TLR6: variants seen among roughly 807,000 people sequenced by gnomAD.
The protein encoded by TLR6 is toll-like receptor 6.
In TLR6, 9 loss-of-function variants were observed where a neutral mutation model predicts 16.1. The ratio of observed to expected loss-of-function variants is 0.56; its 90% confidence interval spans 0.34 to 0.98. The LOEUF is 0.98. TLR6 is among the 50% of genes least tolerant of loss of function. The pLI is 0.02. For missense variants in TLR6, 786 were observed against 921.0 expected (o/e 0.85, Z 1.90); for synonymous variants, 340 against 338.6 (o/e 1.00, Z -0.04).
At chr4:38,826,967 G>T in exon 2 of TLR6, 1 of 864,366 alleles carries the variant, frequency 1.2e-6, no homozygotes, top group Non-Finnish European at 1.7e-6. Context: ...TTTTTGTTAA[G>T]TCTTTCCTGA....
intron 1 of TLR6, among the ~76,000 whole-genome samples, chr4:38,855,961 A>G (rs1159910992): frequency 6.6e-6 from 1 of 152,208 alleles, no homozygotes; most frequent in East Asian, 1.9e-4. Flanking sequence ...AAAAAAGGGT[A>G]GACAAGACCT....
At chr4:38,829,451 A>G (rs1266319074) in exon 2 of TLR6, 3 of 1,612,484 alleles carry the variant, frequency 1.9e-6, no homozygotes, top group South Asian at 2.2e-5. Context: ...GCTTTTAACA[A>G]TAGGTTCTTT....
At chr4:38,849,564 A>C (rs1712682189) in intron 1 of TLR6, among the ~76,000 whole-genome samples, 2 of 152,206 alleles carry the variant, frequency 1.3e-5, no homozygotes, top group Non-Finnish European at 2.9e-5. Flanking sequence ...ATAGGCTCAA[A>C]ATAAAGGGAT....
At chr4:38,862,541 A>G in the TLR6 span, among the ~76,000 whole-genome samples, 1 of 149,896 alleles carries the variant, frequency 6.7e-6, no homozygotes, top group Admixed American at 6.6e-5. Context: ...TCAGCCTCCC[A>G]AAGTGCTGGG....
intron 1 of TLR6, among the ~76,000 whole-genome samples, chr4:38,838,927 G>GGGAAGGAA (rs1274254263): frequency 8.1e-6 from 1 of 123,178 alleles, no homozygotes; most frequent in African/African-American, 3.9e-5. Context: ...GAGGGAGGGA[G>GGGAAGGAA]GGAAGGAAGG....
chr4:38,829,220 T>A, exon 2 of TLR6: 2 of 1,614,196 alleles, frequency 1.2e-6, no homozygotes, highest in East Asian at 4.5e-5. Flanking sequence ...GATTCTGTTA[T>A]GGGAAAGTCT....
At chr4:38,833,363 C>A (rs896010767) in intron 1 of TLR6, among the ~76,000 whole-genome samples, 1 of 152,208 alleles carries the variant, frequency 6.6e-6, no homozygotes, top group African/African-American at 2.4e-5. Flanking sequence ...GTGTCCCCAT[C>A]CCCAGCAAAG....
At chr4:38,826,237 T>C (rs1218066651) in exon 2 of TLR6, 1 of 152,268 alleles carries the variant, frequency 6.6e-6, no homozygotes, top group Non-Finnish European at 1.5e-5. Context: ...TTAATCACGC[T>C]TTTGACTCTA....
At chr4:38,839,508 G>T (rs1276273217) in intron 1 of TLR6, among the ~76,000 whole-genome samples, 1 of 152,128 alleles carries the variant, frequency 6.6e-6, no homozygotes, top group Non-Finnish European at 1.5e-5. Context: ...CAGGCAAGAA[G>T]CCAGTCCCAA....
At chr4:38,827,695 G>A (rs1195658022) in exon 2 of TLR6, 2 of 1,614,232 alleles carry the variant, frequency 1.2e-6, no homozygotes, top group Non-Finnish European at 1.7e-6. Flanking sequence ...CCAGCATGGT[G>A]GCACCGATGG....
chr4:38,840,976 C>T (rs547965753), intron 1 of TLR6, among the ~76,000 whole-genome samples: 2 of 152,210 alleles, frequency 1.3e-5, no homozygotes, highest in African/African-American at 2.4e-5. Context: ...TTGGCCAGCT[C>T]TTATGGACTA....
exon 2 of TLR6, chr4:38,828,675 C>T (rs1261782520): frequency 1.2e-6 from 2 of 1,613,938 alleles, no homozygotes; most frequent in Non-Finnish European, 1.7e-6. Context: ...AAGACTCTGA[C>T]CAGGCATTTC....
chr4:38,828,400 C>T, exon 2 of TLR6: 2 of 1,613,028 alleles, frequency 1.2e-6, no homozygotes, highest in Non-Finnish European at 1.7e-6. Flanking sequence ...GGGTAAAGTT[C>T]AAAAACTTGA....
upstream of TLR6, among the ~76,000 whole-genome samples, chr4:38,858,832 G>GAAGAAAGAAAGAAAGAAAGA (rs71190999): frequency 9.8e-5 from 5 of 50,892 alleles, no homozygotes; most frequent in Admixed American, 4.3e-4. Flanking sequence ...AGAGAGAGAG[G>GAAGAAAGAAAGAAAGAAAGA]AAGAAAGAAA....
At chr4:38,830,898 C>T (rs1043700155) in intron 1 of TLR6, among the ~76,000 whole-genome samples, 1 of 151,948 alleles carries the variant, frequency 6.6e-6, no homozygotes, top group African/African-American at 2.4e-5. Context: ...ATAACACAAA[C>T]CTTGCAAAAA....
exon 2 of TLR6, chr4:38,824,576 C>T (rs1444911157): frequency 2.0e-5 from 3 of 152,028 alleles, no homozygotes; most frequent in Admixed American, 2.0e-4. Flanking sequence ...GTTGTTGTTA[C>T]TGTGGTTGTT....
chr4:38,839,986 C>T lies in TLR6; in HGVS notation c.-64-10449G>A, dbSNP rs80166848. ...GGCTGAAATCCTAAAAGATCAAAGT[C>T]CCCAAAGTCTAAAATCCCTAATGTC... On this transcript the variant is annotated intron_variant, in intron 1 of 1. Transcript: ENST00000436693. Among the ~76,000 whole-genome samples, 1,416 of 152,294 alleles carry T rather than the reference C, an allele frequency of 9.3e-3. 22 individuals carry two copies. Among genetic ancestry groups the T allele is most frequent in the African/African-American group, 0.032 (1,320 of 41,560 alleles).
chr4:38,858,249 C>G (rs1203515485), upstream of TLR6, among the ~76,000 whole-genome samples: 1 of 152,192 alleles, frequency 6.6e-6, no homozygotes, highest in African/African-American at 2.4e-5. Flanking sequence ...GTCCCTTAAC[C>G]TCCATTTATT....
chr4:38,841,488 G>A (rs1712260102), intron 1 of TLR6, among the ~76,000 whole-genome samples: 1 of 152,218 alleles, frequency 6.6e-6, no homozygotes, highest in Non-Finnish European at 1.5e-5. Context: ...CTACTAGGGA[G>A]GCTGAAGTGG....
Sources: gnomAD v4.1 joint callset for allele counts (sites outside exome capture counted in the v4.1 genomes callset) on GRCh38, gnomAD v4.1.1 for gene constraint, MANE v1.5 for transcripts, NCBI Gene and HGNC (gene_info 2026-07-23, HGNC 2026-07-21) for gene names.